RIN2: variants seen among roughly 807,000 people sequenced by gnomAD.
The protein encoded by RIN2 is RAB5 interacting protein 2.
A neutral mutation model predicts 78.0 loss-of-function variants in RIN2; 36 were observed. The ratio of observed to expected loss-of-function variants is 0.46; its 90% CI spans 0.35 to 0.61. RIN2 has a LOEUF of 0.61. Ranked by LOEUF, RIN2 falls within the 20% of genes least tolerant of loss-of-function variation. RIN2 has a pLI of 0.00. For synonymous variants in RIN2, 466 were observed against 466.8 expected, an observed-to-expected ratio of 1.00 and a Z score of 0.02; for missense variants, 1,087 against 1,159.7, an observed-to-expected ratio of 0.94 and a Z score of 0.91.
At chr20:19,953,516 T>A (rs1338074243) in intron 4 of RIN2, among the ~76,000 whole-genome samples, 2 of 152,030 alleles carry the variant, frequency 1.3e-5, no homozygotes, top group East Asian at 1.9e-4. Flanking sequence ...CTCCACTCAC[T>A]GCAACCTCCG....
intron 7 of RIN2, among the ~76,000 whole-genome samples, chr20:19,965,642 C>T (rs2041914867): frequency 6.6e-6 from 1 of 152,156 alleles, no homozygotes; most frequent in Non-Finnish European, 1.5e-5. Flanking sequence ...GATGAAGTCT[C>T]ACTCTGTCAC....
chr20:19,760,318 C>A (rs1020125567), intron 1 of RIN2, among the ~76,000 whole-genome samples: 1 of 152,182 alleles, frequency 6.6e-6, no homozygotes, highest in African/African-American at 2.4e-5. Context: ...CGGGGAAAAC[C>A]AACCTGCTAT....
At chr20:19,968,710 G>T (rs187617570) in intron 7 of RIN2, among the ~76,000 whole-genome samples, 2 of 152,306 alleles carry the variant, frequency 1.3e-5, no homozygotes, top group Admixed American at 1.3e-4. Context: ...ATAAACACAG[G>T]TTGGTTTTGT....
intron 3 of RIN2, among the ~76,000 whole-genome samples, chr20:19,919,461 C>T (rs1020860505): frequency 1.3e-5 from 2 of 152,094 alleles, no homozygotes; most frequent in African/African-American, 4.8e-5. Flanking sequence ...AGTGGCAGGG[C>T]TCTTTTTCTT....
chr20:19,992,823 C>T (rs893468309), intron 11 of RIN2, among the ~76,000 whole-genome samples: 3 of 151,984 alleles, frequency 2.0e-5, no homozygotes, highest in Non-Finnish European at 2.9e-5. Flanking sequence ...AAATAACCTG[C>T]TCTTATATTA....
intron 2 of RIN2, among the ~76,000 whole-genome samples, chr20:19,845,519 C>T (rs1157231607): frequency 4.6e-5 from 7 of 151,894 alleles, no homozygotes. Flanking sequence ...GTTTGTTGGC[C>T]ACATAAATGT....
chr20:19,915,371 C>T (rs2039642685), intron 3 of RIN2, among the ~76,000 whole-genome samples: 1 of 152,104 alleles, frequency 6.6e-6, no homozygotes, highest in African/African-American at 2.4e-5. Context: ...TGAGGGCTGC[C>T]CTGGGGTATT....
intron 3 of RIN2, among the ~76,000 whole-genome samples, chr20:19,917,854 C>T (rs1205010741): frequency 6.6e-6 from 1 of 152,226 alleles, no homozygotes; most frequent in Non-Finnish European, 1.5e-5. Flanking sequence ...AGCTGTTTGA[C>T]ATTTAGCACT....
chr20:19,788,434 A>AAAAAAAAAAAAAAACAAAACC (rs1482992020), intron 1 of RIN2, among the ~76,000 whole-genome samples: 1 of 137,488 alleles, frequency 7.3e-6, no homozygotes, highest in African/African-American at 2.9e-5. Flanking sequence ...GTCTCTGCCA[A>AAAAAAAAAAAAAAACAAAACC]AAAAAAAAAA....
At chr20:19,982,753 C>T (rs1382105204) in intron 9 of RIN2, among the ~76,000 whole-genome samples, 1 of 152,224 alleles carries the variant, frequency 6.6e-6, no homozygotes, top group Non-Finnish European at 1.5e-5. Context: ...TTCACCAGAG[C>T]TCTGGCCCAG....
At chr20:19,842,387 C>CTTTTTTTTTTTTTTTTT (rs139642869) in intron 2 of RIN2, among the ~76,000 whole-genome samples, 7 of 46,198 alleles carry the variant, frequency 1.5e-4, no homozygotes, top group Non-Finnish European at 2.4e-4. Context: ...CCATCCCTGG[C>CTTTTTTTTTTTTTTTTT]TTTTTTTTTT....
At chr20:19,900,074 A>G (rs2038911944) in intron 3 of RIN2, among the ~76,000 whole-genome samples, 1 of 152,224 alleles carries the variant, frequency 6.6e-6, no homozygotes, top group African/African-American at 2.4e-5. Context: ...AGAAGGAGAA[A>G]CTGCTCTCTC....
chr20:19,772,491 TGCAGG>T (rs917804020), intron 1 of RIN2, among the ~76,000 whole-genome samples: 4 of 152,178 alleles, frequency 2.6e-5, no homozygotes, highest in Non-Finnish European at 4.4e-5. Flanking sequence ...CCCTTCTGAA[TGCAGG>T]GCCCTGTGTG....
At chr20:19,871,766 G>A (rs914029776) in intron 2 of RIN2, 4 of 152,194 alleles carry the variant, frequency 2.6e-5, no homozygotes, top group Non-Finnish European at 5.9e-5. Context: ...CTTCTCTAAG[G>A]AATCATAGGC....
intron 1 of RIN2, among the ~76,000 whole-genome samples, chr20:19,761,043 A>G (rs535912119): frequency 1.1e-4 from 17 of 152,340 alleles, no homozygotes; most frequent in African/African-American, 4.1e-4. Context: ...TCCCTTTGTC[A>G]AGGCATTTTG....
At chr20:19,907,433 G>A (rs1600758623) in intron 3 of RIN2, among the ~76,000 whole-genome samples, 1 of 152,306 alleles carries the variant, frequency 6.6e-6, no homozygotes, top group East Asian at 1.9e-4. Context: ...ACCAGACAGA[G>A]CCCTGGCTCC....
intron 2 of RIN2, among the ~76,000 whole-genome samples, chr20:19,836,734 G>A (rs2036429771): frequency 6.6e-6 from 1 of 152,120 alleles, no homozygotes; most frequent in East Asian, 1.9e-4. Context: ...TATGATAGAG[G>A]AAGATAATGA....
At chr20:19,933,396 G>C (rs6112664) in intron 3 of RIN2, among the ~76,000 whole-genome samples, 1 of 152,120 alleles carries the variant, frequency 6.6e-6, no homozygotes, top group Non-Finnish European at 1.5e-5. Flanking sequence ...TGTCATTCAA[G>C]GCTCTATCGC....
intron 4 of RIN2, among the ~76,000 whole-genome samples, chr20:19,939,518 A>C (rs991793703): frequency 6.6e-6 from 1 of 152,198 alleles, no homozygotes; most frequent in African/African-American, 2.4e-5. Context: ...CTTTGTTCAA[A>C]GCCTTTTGAT....
Sources: allele counts gnomAD v4.1 joint callset (sites outside exome capture counted in the v4.1 genomes callset), GRCh38; gene constraint gnomAD v4.1.1; transcripts MANE v1.5; gene names NCBI Gene and HGNC (gene_info 2026-07-23, HGNC 2026-07-21).